Variants in TRIM37 observed in about 807,000 individuals in gnomAD.
TRIM37 encodes the protein E3 ubiquitin-protein ligase TRIM37.
A neutral mutation model predicts 129.8 loss-of-function variants in TRIM37; 80 were observed. The ratio of observed to expected loss-of-function variants is 0.62; its 90% CI spans 0.51 to 0.74. The LOEUF is 0.74. TRIM37 is among the 30% of genes least tolerant of loss of function. The pLI, the probability that TRIM37 is intolerant of heterozygous loss-of-function variation, is 0.00. For synonymous variants in TRIM37, 389 were observed against 387.1 expected, an observed-to-expected ratio of 1.00 and a Z score of -0.06; for missense variants, 1,054 against 1,176.5, an observed-to-expected ratio of 0.90 and a Z score of 1.52.
In TRIM37 at chr17:59,005,447, C is replaced by A. The variant is rs865858446; in HGVS notation, c.2696-3733G>T. Among the ~76,000 whole-genome samples the A allele has an allele frequency of 3.3e-5, 5 of 152,230 alleles. No homozygotes were observed. In the South Asian group the frequency reaches 8.3e-4, roughly 25 times the overall value. On this transcript the variant is annotated intron_variant, in intron 22 of 23. Coordinates refer to ENST00000262294, the MANE Select transcript of TRIM37 (RefSeq NM_015294.6). Reference sequence around the variant, plus strand: ...TACAGGCATGTGCCACCACACCCAGCTAATTTTTTTGTATTTTTAGTAGAG... The same window carrying A: ...TACAGGCATGTGCCACCACACCCAGATAATTTTTTTGTATTTTTAGTAGAG...
chr17:59,102,682 CA>C (rs948816388), intron 2 of TRIM37, among the ~76,000 whole-genome samples: 31 of 152,202 alleles, frequency 2.0e-4, no homozygotes, highest in African/African-American at 7.0e-4. Flanking sequence ...TGAGAACTAA[CA>C]TCATATTTAA....
intron 1 of TRIM37, among the ~76,000 whole-genome samples, chr17:59,106,144 C>T (rs925378366): frequency 6.6e-6 from 1 of 152,168 alleles, no homozygotes; most frequent in East Asian, 1.9e-4. Context: ...GATGAATCTG[C>T]AGTTTTGGTC....
At chr17:59,096,479 G>A (rs35165585) in intron 2 of TRIM37, among the ~76,000 whole-genome samples, 23,995 of 148,830 alleles carry the variant, frequency 0.16, 2,347 homozygotes, top group Non-Finnish European at 0.21. Flanking sequence ...TTGAACCCAG[G>A]AGGCAGAGGT....
At chr17:59,040,159 G>A (rs1599080052) in intron 17 of TRIM37, among the ~76,000 whole-genome samples, 1 of 152,126 alleles carries the variant, frequency 6.6e-6, no homozygotes, top group Non-Finnish European at 1.5e-5. Flanking sequence ...ACCCACATCA[G>A]CCTCCCAAAG....
intron 7 of TRIM37, among the ~76,000 whole-genome samples, chr17:59,077,866 G>T (rs1345432755): frequency 1.4e-5 from 2 of 148,020 alleles, no homozygotes; most frequent in Non-Finnish European, 3.0e-5. Context: ...GCTCACGCCT[G>T]TTATCCCAGC....
chr17:59,021,474 G>T (rs2036597536), intron 19 of TRIM37, among the ~76,000 whole-genome samples: 1 of 152,124 alleles, frequency 6.6e-6, no homozygotes, highest in African/African-American at 2.4e-5. Flanking sequence ...CCTGTCATTT[G>T]CAACAACATG....
chr17:58,974,391 A>G, the TRIM37 span, among the ~76,000 whole-genome samples: 1 of 152,208 alleles, frequency 6.6e-6, no homozygotes, highest in Non-Finnish European at 1.5e-5. Context: ...AAAGAACCCT[A>G]TATCCCTGGG....
rs761060879 is a variant in TRIM37 at position 59,091,296 on chromosome 17, T to C, written c.164+4A>G. ...TTCACAAATAATCGTAAGGAAACAC[T>C]TACCGGCAATGAGGACATTGAGCTC... On this transcript the variant is annotated splice_donor_region_variant and intron_variant, in intron 3 of 23. Transcript: ENST00000262294. The C allele has an allele frequency of 1.9e-6, 3 of 1,584,406 alleles. No individual in the cohort carries two copies. The highest frequency in any genetic ancestry group is 2.6e-6 in the Non-Finnish European group (3 of 1,162,762).
downstream of TRIM37, among the ~76,000 whole-genome samples, chr17:58,979,086 G>T (rs1453867747): frequency 6.6e-6 from 1 of 152,206 alleles, no homozygotes; most frequent in Non-Finnish European, 1.5e-5. Flanking sequence ...ATGTCATTCT[G>T]TGAGAGGACG....
At position 59,009,449 on chromosome 17, in the gene TRIM37, T is replaced by C. The variant is rs78105385; in HGVS notation, c.2695+2879A>G. Among the ~76,000 whole-genome samples the C allele has an allele frequency of 1.4e-3, 92 of 64,902 alleles. 1 individual carries two copies. The highest frequency in any genetic ancestry group is 3.6e-3 in the South Asian group (6 of 1,652). 42.6% of individuals were successfully genotyped at this position (64,902 alleles called of 152,430 possible). A position where few individuals can be genotyped will look rare whatever the true frequency, so the allele number is the denominator to read the frequency against. On this transcript the variant is annotated intron_variant, in intron 22 of 23. Transcript: ENST00000262294. ...CAACCTTCCAATTTCTTTTCTTTTT[T>C]TTTTTTTTTTTTTGAGACGAAGTTT... is the stretch of plus-strand genomic sequence containing the variant.
chr17:58,989,502 A>T (rs1227027189), intron 24 of TRIM37, among the ~76,000 whole-genome samples: 3 of 152,196 alleles, frequency 2.0e-5, no homozygotes, highest in African/African-American at 7.2e-5. Context: ...GCAAGATCAT[A>T]TGGGTGATTA....
intron 2 of TRIM37, among the ~76,000 whole-genome samples, chr17:59,102,046 A>G (rs962185657): frequency 6.6e-6 from 1 of 152,156 alleles, no homozygotes; most frequent in Admixed American, 6.6e-5. Context: ...GGTTTGAGAA[A>G]ATAATATGAA....
At chr17:59,007,219 A>ACACC (rs2034631439) in intron 22 of TRIM37, among the ~76,000 whole-genome samples, 1 of 7,730 alleles carries the variant, frequency 1.3e-4, no homozygotes, top group African/African-American at 8.3e-4. Context: ...AAACCACCCC[A>ACACC]CCCCCACCCA....
rs1312333650 is a variant in TRIM37 at position 58,998,343 on chromosome 17, T to C, written c.*1034A>G. The C allele has an allele frequency of 3.0e-6, 3 of 985,286 alleles. No homozygotes were observed. The highest frequency in any genetic ancestry group is 3.5e-5 in the African/African-American group (2 of 57,252). 61.0% of individuals were successfully genotyped at this position (985,286 alleles called of 1,614,324 possible). On this transcript the variant is annotated 3_prime_UTR_variant, in exon 24 of 24. Transcript: ENST00000262294. ...TAAAATACAGCAGATGAGATGTCTC[T>C]CACATGTATATTTAATTATTCATGC...
intron 15 of TRIM37, among the ~76,000 whole-genome samples, 190 bp from the exon 16 acceptor site, chr17:59,048,009 T>C (rs1270708823): frequency 3.3e-5 from 5 of 152,214 alleles, no homozygotes; most frequent in African/African-American, 1.2e-4. Flanking sequence ...ATCATTTTAC[T>C]AACTTATGCG....
At chr17:58,985,588 G>A (rs2031728991) in intron 24 of TRIM37, among the ~76,000 whole-genome samples, 1 of 152,146 alleles carries the variant, frequency 6.6e-6, no homozygotes, top group African/African-American at 2.4e-5. Flanking sequence ...GATGAGCTGT[G>A]GTGGAAAGCC....
intron 2 of TRIM37, among the ~76,000 whole-genome samples, chr17:59,093,437 T>A (rs547247385): frequency 1.3e-5 from 2 of 152,344 alleles, no homozygotes; most frequent in South Asian, 2.1e-4. Context: ...CCTTTCTTCA[T>A]CTGGGTTACT....
At chr17:59,084,205 C>T (rs2043553885) in intron 4 of TRIM37, 116 bp from the exon 5 acceptor site, 1 of 815,952 alleles carries the variant, frequency 1.2e-6, no homozygotes, top group South Asian at 1.5e-5. Context: ...TCAAGAAACA[C>T]AGTATAAAAT....
At chr17:59,096,146 T>A (rs1249253395) in intron 2 of TRIM37, among the ~76,000 whole-genome samples, 2 of 152,056 alleles carry the variant, frequency 1.3e-5, no homozygotes, top group African/African-American at 4.8e-5. Flanking sequence ...TAAGAATGAG[T>A]AATTATCATA....
Sources: allele counts gnomAD v4.1 joint callset (sites outside exome capture counted in the v4.1 genomes callset), GRCh38; gene constraint gnomAD v4.1.1; transcripts MANE v1.5; gene names NCBI Gene and HGNC (gene_info 2026-07-23, HGNC 2026-07-21).